Variants in DAPK1 observed in about 807,000 individuals in gnomAD.
DAPK1 encodes death-associated protein kinase 1.
DAPK1 carries 56 observed loss-of-function variants against 144.9 expected under a neutral mutation model. That is an observed-to-expected ratio of 0.39 (90% CI 0.31 to 0.48). The LOEUF (loss-of-function observed/expected upper bound fraction) is 0.48, where lower values mean the gene tolerates loss of function less well. DAPK1 is among the 20% of genes least tolerant of loss of function. The pLI, the probability that DAPK1 is intolerant of heterozygous loss-of-function variation, is 0.95. For missense variants in DAPK1, 1,454 were observed against 1,875.4 expected (o/e 0.78, Z 4.15); for synonymous variants, 690 against 749.0 (o/e 0.92, Z 1.29).
chr9:87,506,444 C>T (rs750055944), intron 2 of DAPK1, among the ~76,000 whole-genome samples: 3 of 152,166 alleles, frequency 2.0e-5, no homozygotes, highest in Admixed American at 1.3e-4. Flanking sequence ...CAACATGTGG[C>T]GTAGTTTTAT....
intron 2 of DAPK1, among the ~76,000 whole-genome samples, chr9:87,552,288 G>A (rs1413821857): frequency 1.3e-5 from 2 of 151,102 alleles, no homozygotes; most frequent in Non-Finnish European, 3.0e-5. Context: ...CTGTACCTAG[G>A]ACTTCAGTCC....
At chr9:87,595,644 TC>T (rs1828288008) in intron 2 of DAPK1, among the ~76,000 whole-genome samples, 1 of 152,238 alleles carries the variant, frequency 6.6e-6, no homozygotes, top group African/African-American at 2.4e-5. Flanking sequence ...CCTTGGGTCC[TC>T]GGTTATGCCA....
chr9:87,579,319 T>G (rs1827669676), intron 2 of DAPK1, among the ~76,000 whole-genome samples: 2 of 152,214 alleles, frequency 1.3e-5, no homozygotes, highest in African/African-American at 4.8e-5. Context: ...GTTGCATACT[T>G]TCCTTTCAAA....
At position 87,696,987 on chromosome 9, in the gene DAPK1, T is replaced by C. The variant is rs779933455; in HGVS notation, c.2414-20T>C. 1.5e-6 allele frequency: 2 copies of C among 1,299,080 alleles called. No individual in the cohort carries two copies. The highest frequency in any genetic ancestry group is 2.4e-5 in the South Asian group (2 of 84,648). 80.5% of individuals were successfully genotyped at this position (1,299,080 alleles called of 1,614,324 possible). A position where few individuals can be genotyped will look rare whatever the true frequency, so the allele number is the denominator to read the frequency against. On this transcript the variant is annotated intron_variant, in intron 21 of 25. Coordinates refer to ENST00000408954, the MANE Select transcript of DAPK1 (RefSeq NM_004938.4). The stretch of plus-strand genomic sequence containing the variant: ...GGTTAGTGGTGTTTCACGATTGTTA[T>C]CATTTTTCTTTTTCTGTAGGAGTTG...
intron 2 of DAPK1, among the ~76,000 whole-genome samples, chr9:87,571,932 A>G (rs1827376942): frequency 6.6e-6 from 1 of 152,218 alleles, no homozygotes; most frequent in African/African-American, 2.4e-5. Flanking sequence ...GTGGAGTCCC[A>G]GGGATCTTCC....
intron 2 of DAPK1, among the ~76,000 whole-genome samples, chr9:87,512,993 G>A (rs1049928553): frequency 2.0e-5 from 3 of 152,194 alleles, no homozygotes; most frequent in African/African-American, 7.2e-5. Flanking sequence ...CTTTGGGCTT[G>A]TTGGGTGGGT....
rs74945487 is a variant in DAPK1, at chr9:87,656,420, C to T, written c.1825-1609C>T. ...ACACTCTCTTCCTCAGCTTTCTTCC[C>T]TTCTAGAAAACTGTGCATTCTACAA... On this transcript the variant is annotated intron_variant, in intron 17 of 25. Coordinates refer to ENST00000408954, the MANE Select transcript of DAPK1 (RefSeq NM_004938.4). 3.3e-5 allele frequency among the ~76,000 whole-genome samples: 5 copies of T among 152,292 alleles called. No homozygotes were observed. The East Asian group carries it at 9.7e-4, about 29-fold the overall frequency.
chr9:87,691,090 T>C (rs1444385555), intron 21 of DAPK1, among the ~76,000 whole-genome samples: 7 of 152,006 alleles, frequency 4.6e-5, no homozygotes, highest in African/African-American at 1.4e-4. Context: ...TTGGAATAGA[T>C]TGAGGAGAAT....
chr9:87,608,546 A>G (rs1052859407), intron 3 of DAPK1, among the ~76,000 whole-genome samples: 2 of 152,160 alleles, frequency 1.3e-5, no homozygotes, highest in Non-Finnish European at 2.9e-5. Context: ...TTTATGAGAA[A>G]CTGCCAAGCT....
chr9:87,600,322 A>G (rs193008774), intron 2 of DAPK1, among the ~76,000 whole-genome samples: 10 of 152,310 alleles, frequency 6.6e-5, no homozygotes, highest in East Asian at 5.8e-4. Flanking sequence ...GCAGTGACTC[A>G]TGCCTGTAAT....
chr9:87,698,248 G>T (rs939113488), intron 22 of DAPK1, among the ~76,000 whole-genome samples: 1 of 152,052 alleles, frequency 6.6e-6, no homozygotes, highest in Admixed American at 6.6e-5. Context: ...GAGGCTCTTT[G>T]TGTGACTTGC....
intron 2 of DAPK1, among the ~76,000 whole-genome samples, chr9:87,590,381 A>AAAAAAAAAAAG (rs1554687930): frequency 3.3e-5 from 5 of 149,770 alleles, no homozygotes; most frequent in African/African-American, 1.2e-4. Flanking sequence ...AAAAAAAAAA[A>AAAAAAAAAAAG]AAAAGAAAAG....
At chr9:87,531,496 G>A (rs553215977) in intron 2 of DAPK1, among the ~76,000 whole-genome samples, 1 of 152,194 alleles carries the variant, frequency 6.6e-6, no homozygotes, top group African/African-American at 2.4e-5. Flanking sequence ...GAAGTTGGGG[G>A]TAAGAGGGCA....
In DAPK1 at chr9:87,686,308, C is replaced by A. The variant is rs1011206323; in HGVS notation, c.2225-243C>A. Among the ~76,000 whole-genome samples, 27 of 152,150 alleles carry A rather than the reference C, an allele frequency of 1.8e-4. No homozygotes were observed. Among genetic ancestry groups the A allele is most frequent in the African/African-American group, 6.3e-4 (26 of 41,424 alleles). On this transcript the variant is annotated intron_variant, in intron 20 of 25. Coordinates refer to ENST00000408954, the MANE Select transcript of DAPK1 (RefSeq NM_004938.4). This position sits in a 1 kb window ranked among gnomAD's most constrained non-coding sequence, Gnocchi z 4.2. ...CTAGAGACACAATCCCTAGGACCAG[C>A]CACCCGGGCAACAGGGCGGGGCAGA... is the stretch of plus-strand genomic sequence containing the variant.
chr9:87,497,772 G>A (rs1824219830), upstream of DAPK1: 1 of 342,240 alleles, frequency 2.9e-6, no homozygotes, highest in Non-Finnish European at 5.2e-6. Flanking sequence ...GCAGCTCGGA[G>A]GTGGGTGGGC....
chr9:87,653,221 G>C (rs1271837583), intron 17 of DAPK1, among the ~76,000 whole-genome samples: 110 of 89,004 alleles, frequency 1.2e-3, no homozygotes, highest in South Asian at 2.0e-3. Flanking sequence ...TCTGTGTTCT[G>C]TCACCTGAAC....
At chr9:87,694,965 A>G (rs949943531) in intron 21 of DAPK1, among the ~76,000 whole-genome samples, 2 of 152,180 alleles carry the variant, frequency 1.3e-5, no homozygotes, top group African/African-American at 4.8e-5. Context: ...CAGGGCCCAC[A>G]TGGGTGAAGG....
Position 87,497,893 on chromosome 9 carries a change from G to A in DAPK1, c.-323G>A, listed in dbSNP as rs1027725291. Reference sequence around the variant, plus strand: ...CTTCGGAGTGTGAGGAGGACAGCCGGACCGAGCCAACGCCGGGGACTTTGT... The same window carrying A: ...CTTCGGAGTGTGAGGAGGACAGCCGAACCGAGCCAACGCCGGGGACTTTGT... On this transcript the variant is annotated 5_prime_UTR_variant, in exon 1 of 26. Transcript: ENST00000408954. 3.3e-5 allele frequency: 13 copies of A among 395,140 alleles called. No individual in the cohort carries two copies. The highest frequency in any genetic ancestry group is 2.1e-4 in the African/African-American group (10 of 48,488). The allele number at this position is 395,140 out of a possible 1,614,324, so 24.5% of individuals were successfully genotyped here. A position where few individuals can be genotyped will look rare whatever the true frequency, so the allele number is the denominator to read the frequency against.
chr9:87,544,396 G>A (rs1826162662), intron 2 of DAPK1, among the ~76,000 whole-genome samples: 1 of 152,118 alleles, frequency 6.6e-6, no homozygotes, highest in African/African-American at 2.4e-5. Flanking sequence ...TTTAGATATT[G>A]CATGGATGAA....
Sources: allele counts gnomAD v4.1 joint callset (sites outside exome capture counted in the v4.1 genomes callset), GRCh38; gene constraint gnomAD v4.1.1; non-coding constraint Gnocchi (gnomAD v3.1); transcripts MANE v1.5; gene names NCBI Gene and HGNC (gene_info 2026-07-23, HGNC 2026-07-21).